PDE4DIP: variants seen among roughly 807,000 people sequenced by gnomAD.
PDE4DIP encodes the protein phosphodiesterase 4D interacting protein.
A neutral mutation model predicts 221.4 loss-of-function variants in PDE4DIP; 59 were observed. The observed-to-expected ratio is 0.27, with a 90% CI of 0.22 to 0.33. PDE4DIP has a LOEUF of 0.33. Ranked by LOEUF, PDE4DIP falls within the 10% of genes least tolerant of loss-of-function variation. The pLI is 1.00. For missense variants in PDE4DIP, 1,036 were observed against 2,154.2 expected (o/e 0.48, Z 10.28); for synonymous variants, 404 against 815.9 (o/e 0.50, Z 8.60).
intron 5 of PDE4DIP, among the ~76,000 whole-genome samples, chr1:148,947,124 CATTG>C (rs782092842): frequency 3.3e-4 from 50 of 152,292 alleles, no homozygotes; most frequent in Non-Finnish European, 5.6e-4. Context: ...CATTCTTGCT[CATTG>C]ATTGATTTAA....
intron 5 of PDE4DIP, among the ~76,000 whole-genome samples, chr1:148,940,641 T>C (rs2050314223): frequency 6.6e-6 from 1 of 152,024 alleles, no homozygotes. Context: ...TGGTGGACCA[T>C]GCTGAGGTAC....
chr1:148,998,096 G>C (rs782226918), intron 22 of PDE4DIP, 47 bp from the exon 26 acceptor site: 1 of 810,678 alleles, frequency 1.2e-6, no homozygotes, highest in African/African-American at 1.7e-5. Flanking sequence ...GTTTCTCTTG[G>C]GTCCTCTTTA....
At chr1:148,883,173 C>G (rs10797610) in intron 3 of PDE4DIP, among the ~76,000 whole-genome samples, 1 of 151,272 alleles carries the variant, frequency 6.6e-6, no homozygotes. Context: ...AGCTATTGCT[C>G]TTTTCACAGT....
intron 1 of PDE4DIP, among the ~76,000 whole-genome samples, chr1:148,907,096 T>C (rs1445202712): frequency 6.7e-6 from 1 of 148,248 alleles, no homozygotes; most frequent in Non-Finnish European, 1.5e-5. Flanking sequence ...TCTGCTTGCT[T>C]TTGCTTTTGG....
chr1:148,946,421 T>A (rs1283071571), intron 5 of PDE4DIP, among the ~76,000 whole-genome samples: 23 of 131,978 alleles, frequency 1.7e-4, no homozygotes, highest in Non-Finnish European at 3.4e-4. Context: ...ATGCCTATAA[T>A]CCCAGCTACT....
chr1:149,030,017 G>A (rs1553635219), intron 42 of PDE4DIP, 92 bp downstream of exon 45: 2 of 626,056 alleles, frequency 3.2e-6, no homozygotes. Context: ...GGGGGGCTTG[G>A]GGATGTTGGG....
chr1:149,026,167 C>T (rs1305401086), intron 38 of PDE4DIP: 2 of 147,324 alleles, frequency 1.4e-5, no homozygotes, highest in South Asian at 2.3e-4. Flanking sequence ...TGATATTTTC[C>T]AATTCCTCCA....
chr1:148,934,058 A>G (rs1254056116), intron 4 of PDE4DIP, among the ~76,000 whole-genome samples: 29 of 147,554 alleles, frequency 2.0e-4, no homozygotes, highest in Non-Finnish European at 3.9e-4. Flanking sequence ...CTCCAGAAGC[A>G]TAAGAAGCTA....
At position 149,029,975 on chromosome 1, in the gene PDE4DIP, G is replaced by A; in HGVS notation, c.6952+50G>A. On this transcript the variant is annotated intron_variant, in intron 42 of 43. Transcript: ENST00000369354. Reference sequence around the variant, plus strand: ...GGAAGAAACAGGCAGTCTTCCCGATGCCCCACTTGTGCTGCAGATGAGCAG... The same window carrying A: ...GGAAGAAACAGGCAGTCTTCCCGATACCCCACTTGTGCTGCAGATGAGCAG... The A allele has an allele frequency of 2.7e-6, 2 of 741,810 alleles. 1 individual carries two copies. Among genetic ancestry groups the A allele is most frequent in the Non-Finnish European group, 4.5e-6 (2 of 449,310 alleles). 46.0% of individuals were successfully genotyped at this position (741,810 alleles called of 1,614,324 possible). A position where few individuals can be genotyped will look rare whatever the true frequency, so the allele number is the denominator to read the frequency against.
intron 9 of PDE4DIP, among the ~76,000 whole-genome samples, chr1:148,964,179 G>A (rs1295996868): frequency 1.4e-5 from 2 of 145,660 alleles, no homozygotes; most frequent in African/African-American, 5.1e-5. Flanking sequence ...ACACAATCTC[G>A]GCTCACTGCA....
chr1:148,978,039 G>C, exon 18 of PDE4DIP: 3 of 1,613,646 alleles, frequency 1.9e-6, no homozygotes, highest in Non-Finnish European at 2.5e-6. Context: ...ACAGATTAAA[G>C]AAGATCTCAT....
chr1:149,015,099 G>C (rs2069973465), intron 32 of PDE4DIP, among the ~76,000 whole-genome samples: 2 of 152,102 alleles, frequency 1.3e-5, no homozygotes, highest in Admixed American at 1.3e-4. Flanking sequence ...TGATCCTAAT[G>C]AACATCTAGT....
intron 9 of PDE4DIP, among the ~76,000 whole-genome samples, chr1:148,963,745 C>CT (rs2057509252): frequency 7.3e-6 from 1 of 136,964 alleles, no homozygotes; most frequent in African/African-American, 2.7e-5. Flanking sequence ...TCTTTCTTTC[C>CT]TTCTTTTTTT....
At chr1:148,926,780 G>A (rs189114542) in intron 1 of PDE4DIP, among the ~76,000 whole-genome samples, 6 of 151,416 alleles carry the variant, frequency 4.0e-5, no homozygotes, top group African/African-American at 1.5e-4. Flanking sequence ...GAAGACATTT[G>A]AATTCCTTTA....
chr1:149,017,854 G>A (rs1553613399), exon 34 of PDE4DIP: 9 of 1,613,546 alleles, frequency 5.6e-6, no homozygotes, highest in Non-Finnish European at 7.6e-6. Context: ...TGGAACACCG[G>A]CTGACCTCTA....
intron 21 of PDE4DIP, chr1:148,985,461 C>G (rs2061750465): frequency 1.3e-5 from 2 of 152,134 alleles, no homozygotes; most frequent in South Asian, 4.1e-4. Context: ...TTATTATGAT[C>G]AAATAACAAG....
chr1:148,938,664 T>G, intron 5 of PDE4DIP, among the ~76,000 whole-genome samples: 1 of 152,320 alleles, frequency 6.6e-6, no homozygotes, highest in South Asian at 2.1e-4. Flanking sequence ...GCTAGGCATA[T>G]TCTCTGTTTG....
intron 1 of PDE4DIP, among the ~76,000 whole-genome samples, chr1:148,820,723 G>T (rs1213041729): frequency 1.3e-5 from 2 of 148,438 alleles, no homozygotes; most frequent in South Asian, 2.2e-4. Context: ...TTGGGGGGGG[G>T]GTGGCTAGAA....
intron 37 of PDE4DIP, among the ~76,000 whole-genome samples, chr1:149,021,922 G>T (rs587757483): frequency 1.7e-4 from 25 of 143,882 alleles, no homozygotes; most frequent in Admixed American, 1.2e-3. Flanking sequence ...ATGGAGAAGG[G>T]TATTCAAAAC....
Sources: gnomAD v4.1 joint callset for allele counts (sites outside exome capture counted in the v4.1 genomes callset) on GRCh38, gnomAD v4.1.1 for gene constraint, MANE v1.5 for transcripts, NCBI Gene and HGNC (gene_info 2026-07-23, HGNC 2026-07-21) for gene names.